The following MSI2 variants were observed in gnomAD, a reference collection of about 807,000 sequenced individuals.
The protein encoded by MSI2 is RNA-binding protein Musashi homolog 2.
MSI2 carries 17 observed loss-of-function variants against 45.6 expected under a neutral mutation model. The ratio of observed to expected loss-of-function variants is 0.37; its 90% confidence interval spans 0.26 to 0.56. The LOEUF is 0.56. Ranked by LOEUF, MSI2 falls within the 20% of genes least tolerant of loss-of-function variation. The probability of loss-of-function intolerance (pLI) is 0.77; values close to 1 mark genes in which losing one functional copy is unlikely to be tolerated. For missense variants in MSI2, 293 were observed against 444.2 expected (o/e 0.66, Z 3.06); for synonymous variants, 156 against 158.2 (o/e 0.99, Z 0.11).
intron 5 of MSI2, among the ~76,000 whole-genome samples, chr17:57,363,232 G>A (rs1271295118): frequency 2.6e-5 from 4 of 152,204 alleles, no homozygotes; most frequent in Non-Finnish European, 5.9e-5. Context: ...CCTTGAAGAC[G>A]TGCTAAGTGA....
intron 6 of MSI2, among the ~76,000 whole-genome samples, chr17:57,510,467 G>A (rs1029104902): frequency 5.3e-5 from 8 of 151,188 alleles, no homozygotes; most frequent in South Asian, 4.2e-4. Context: ...TGCTCTTGTC[G>A]CCCAAGCTGG....
At chr17:57,480,708 C>T (rs1322044585) in intron 6 of MSI2, among the ~76,000 whole-genome samples, 1 of 152,150 alleles carries the variant, frequency 6.6e-6, no homozygotes, top group African/African-American at 2.4e-5. Context: ...CCTGTGTTCT[C>T]AGAATTGCCA....
intron 5 of MSI2, among the ~76,000 whole-genome samples, chr17:57,284,141 G>T (rs1909662209): frequency 1.3e-5 from 2 of 152,250 alleles, no homozygotes; most frequent in South Asian, 4.2e-4. Context: ...CATTGCCCAA[G>T]TATTGGTTTC....
intron 8 of MSI2, among the ~76,000 whole-genome samples, chr17:57,603,608 C>G (rs1431175101): frequency 1.3e-5 from 2 of 152,238 alleles, no homozygotes; most frequent in African/African-American, 4.8e-5. Context: ...ACGTTTCCCC[C>G]ACTGGGCCTA....
At chr17:57,502,602 G>GATAGATAGATATATATATAT (rs1190802566) in intron 6 of MSI2, among the ~76,000 whole-genome samples, 3 of 54,418 alleles carry the variant, frequency 5.5e-5, no homozygotes, top group African/African-American at 1.7e-4. Context: ...ATGACTCTGA[G>GATAGATAGATATATATATAT]ATATATATAT....
At chr17:57,321,439 G>A (rs1366880851) in intron 5 of MSI2, among the ~76,000 whole-genome samples, 1 of 152,154 alleles carries the variant, frequency 6.6e-6, no homozygotes, top group Non-Finnish European at 1.5e-5. Flanking sequence ...CCAACCTCCC[G>A]TGATATCCTA....
intron 6 of MSI2, among the ~76,000 whole-genome samples, chr17:57,489,115 A>G (rs1458575098): frequency 1.3e-5 from 2 of 152,182 alleles, no homozygotes; most frequent in African/African-American, 2.4e-5. Flanking sequence ...CTCTGTTGCC[A>G]ACTGGCTGAG....
At position 57,615,897 on chromosome 17, in the gene MSI2, C is replaced by G. The variant is rs559756952; in HGVS notation, c.538-73C>G. 110 of 1,193,314 alleles carry G rather than the reference C, an allele frequency of 9.2e-5. 2 individuals carry two copies. In the East Asian group the frequency reaches 2.6e-3, roughly 28 times the overall value. The allele number at this position is 1,193,314 out of a possible 1,614,324, so 73.9% of individuals were successfully genotyped here. On this transcript the variant is annotated intron_variant, in intron 8 of 13. Transcript: ENST00000284073. ...AGGCTAAAAATAACTTAGCTCATAA[C>G]CAGACAGGTTCTGCATTTGACATTT...
chr17:57,499,865 C>G (rs2086063985), intron 6 of MSI2, among the ~76,000 whole-genome samples: 1 of 152,188 alleles, frequency 6.6e-6, no homozygotes, highest in African/African-American at 2.4e-5. Flanking sequence ...ATGGCTGCCT[C>G]AGGCAGTCAA....
At chr17:57,544,996 A>G (rs1337177148) in intron 7 of MSI2, among the ~76,000 whole-genome samples, 1 of 152,258 alleles carries the variant, frequency 6.6e-6, no homozygotes, top group Non-Finnish European at 1.5e-5. Flanking sequence ...AGAGCATTTT[A>G]AAAATGAGAT....
chr17:57,445,827 T>C (rs941213654), intron 6 of MSI2, among the ~76,000 whole-genome samples: 1 of 152,180 alleles, frequency 6.6e-6, no homozygotes, highest in Admixed American at 6.5e-5. Flanking sequence ...CTGGGCTTCC[T>C]TCAGCAGAAC....
At chr17:57,275,348 C>A (rs1001727847) in intron 5 of MSI2, among the ~76,000 whole-genome samples, 3 of 152,140 alleles carry the variant, frequency 2.0e-5, no homozygotes, top group Admixed American at 2.0e-4. Context: ...ATGAAAGAGC[C>A]CCAGCTAGGA....
At chr17:57,450,670 CAAAAAAAAAAAAAA>C (rs58773765) in intron 6 of MSI2, among the ~76,000 whole-genome samples, 26 of 31,940 alleles carry the variant, frequency 8.1e-4, no homozygotes, top group African/African-American at 2.8e-3. Context: ...GACTGCATCT[CAAAAAAAAAAAAAA>C]AAAAAAAAAA....
At chr17:57,450,603 AG>A (rs2084998601) in intron 6 of MSI2, among the ~76,000 whole-genome samples, 1 of 138,538 alleles carries the variant, frequency 7.2e-6, no homozygotes, top group Admixed American at 7.6e-5. Flanking sequence ...CTCGGGAGGT[AG>A]AGGCTACAGT....
intron 7 of MSI2, among the ~76,000 whole-genome samples, chr17:57,593,270 T>G (rs1904995825): frequency 6.6e-6 from 1 of 152,192 alleles, no homozygotes; most frequent in African/African-American, 2.4e-5. Flanking sequence ...CCTTGCTGTA[T>G]TAGTTTTCTG....
intron 6 of MSI2, among the ~76,000 whole-genome samples, chr17:57,507,231 GT>G (rs2086255568): frequency 3.7e-5 from 1 of 27,344 alleles, no homozygotes; most frequent in African/African-American, 1.0e-4. Flanking sequence ...CTCTCTGTGT[GT>G]GTGTGTGTGT....
rs34823246 is a variant in MSI2 at position 57,586,849 on chromosome 17, TAAAAA to T, written c.455-10006_455-10002del. The stretch of plus-strand genomic sequence containing the variant: ...CCAACGTGGCAAAACCCCATCTCCT[TAAAAA>T]AAAAAAAAAAAAGTTTCCCACTTCA... On this transcript the variant is annotated intron_variant, in intron 7 of 13. Coordinates refer to ENST00000284073, the MANE Select transcript of MSI2 (RefSeq NM_138962.4). 3.5e-4 allele frequency among the ~76,000 whole-genome samples: 51 copies of T among 146,728 alleles called. 1 individual carries two copies. Among genetic ancestry groups the T allele is most frequent in the South Asian group, 8.7e-4 (4 of 4,600 alleles).
chr17:57,570,528 G>A (rs1355970201), intron 7 of MSI2, among the ~76,000 whole-genome samples: 2 of 152,178 alleles, frequency 1.3e-5, no homozygotes, highest in Non-Finnish European at 2.9e-5. Context: ...AAAATGGACA[G>A]TGCTGGAGAC....
chr17:57,265,977 T>C (rs1158301184), intron 5 of MSI2: 1 of 152,226 alleles, frequency 6.6e-6, no homozygotes, highest in Non-Finnish European at 1.5e-5. Context: ...CAAGAGACTC[T>C]TTAGCATCTT....
Sources: allele counts gnomAD v4.1 joint callset (sites outside exome capture counted in the v4.1 genomes callset), GRCh38; gene constraint gnomAD v4.1.1; transcripts MANE v1.5; gene names NCBI Gene and HGNC (gene_info 2026-07-23, HGNC 2026-07-21).